ANO1: variants seen among roughly 807,000 people sequenced by gnomAD.
ANO1 encodes the protein anoctamin 1.
ANO1 carries 59 observed loss-of-function variants against 124.0 expected under a neutral mutation model. That is an observed-to-expected ratio of 0.48 (90% confidence interval 0.39 to 0.59). The LOEUF (loss-of-function observed/expected upper bound fraction) is 0.59, where lower values mean the gene tolerates loss of function less well. Among genes scored for constraint, ANO1 ranks in the 20% least tolerant of loss-of-function variants. The pLI, the probability that ANO1 is intolerant of heterozygous loss-of-function variation, is 0.00. For synonymous variants in ANO1, 529 were observed against 532.0 expected, an observed-to-expected ratio of 0.99 and a Z score of 0.08; for missense variants, 1,059 against 1,328.0, an observed-to-expected ratio of 0.80 and a Z score of 3.15.
At chr11:70,049,006 C>T (rs1446347769) in intron 1 of ANO1, among the ~76,000 whole-genome samples, 7 of 152,102 alleles carry the variant, frequency 4.6e-5, no homozygotes, top group African/African-American at 7.2e-5. Context: ...AAGCAGGATG[C>T]GTTTTCTTCC....
chr11:70,179,526 G>A (rs938905108), intron 22 of ANO1, among the ~76,000 whole-genome samples: 3 of 152,200 alleles, frequency 2.0e-5, no homozygotes, highest in African/African-American at 7.2e-5. Flanking sequence ...GATAGGGAAC[G>A]GTTCAACCTT....
intron 11 of ANO1, among the ~76,000 whole-genome samples, chr11:70,134,668 G>T (rs1294821261): frequency 6.6e-6 from 1 of 152,142 alleles, no homozygotes; most frequent in Non-Finnish European, 1.5e-5. Context: ...GAGCACATGT[G>T]TCCCACCTGC....
chr11:70,073,663 G>C (rs2044016070), upstream of ANO1, among the ~76,000 whole-genome samples: 1 of 152,126 alleles, frequency 6.6e-6, no homozygotes, highest in Non-Finnish European at 1.5e-5. Context: ...GGACCAGAAA[G>C]GCTACCAGGA....
At chr11:70,111,812 A>C in intron 7 of ANO1, 50 bp downstream of exon 7, 2 of 1,588,922 alleles carry the variant, frequency 1.3e-6, no homozygotes, top group Non-Finnish European at 1.7e-6. Context: ...GACTCCCCAA[A>C]TCCCGCCGGG....
intron 1 of ANO1, among the ~76,000 whole-genome samples, chr11:70,072,097 C>T (rs1857885633): frequency 1.3e-5 from 2 of 152,314 alleles, no homozygotes; most frequent in African/African-American, 2.4e-5. Flanking sequence ...TGTACAGAAA[C>T]GTTGCATCAG....
chr11:70,156,778 C>T (rs2047832630), intron 15 of ANO1, among the ~76,000 whole-genome samples, 169 bp from the exon 16 acceptor site: 2 of 152,188 alleles, frequency 1.3e-5, no homozygotes, highest in South Asian at 2.1e-4. Context: ...GAACCCTATG[C>T]GTTTGCACTG....
chr11:70,124,438 G>A (rs757491223), intron 9 of ANO1, 24 bp downstream of exon 9: 14 of 1,611,918 alleles, frequency 8.7e-6, no homozygotes, highest in Non-Finnish European at 1.2e-5. Context: ...ACAGCCTGCG[G>A]GAATCAAGTC....
At position 70,152,133 on chromosome 11, in the gene ANO1, A is replaced by G. The variant is rs916600291; in HGVS notation, c.1342-317A>G. 5.9e-5 allele frequency among the ~76,000 whole-genome samples: 9 copies of G among 152,098 alleles called. 1 individual carries two copies. The highest frequency in any genetic ancestry group is 1.3e-4 in the Admixed American group (2 of 15,254). On this transcript the variant is annotated intron_variant, in intron 12 of 25. Transcript: ENST00000355303. ...GGGCGGATCACGAGGTCAGGAGATC[A>G]AGACCATCCTGGCTAACAGGGTGAA... is the stretch of plus-strand genomic sequence containing the variant.
At chr11:70,064,531 A>G (rs1565172198) in intron 1 of ANO1, 1 of 152,196 alleles carries the variant, frequency 6.6e-6, no homozygotes, top group Non-Finnish European at 1.5e-5. Context: ...CTCTCTGGCT[A>G]TGCTGGCCTC....
rs2135878627 is a variant in ANO1 at position 70,188,123 on chromosome 11, TGGA to T, written c.*123_*125del. ...GTGGGTCCTGGGTTTTCTGCAAACA[TGGA>T]GGACCACTTTCTGATAGGACATTTT... is the stretch of plus-strand genomic sequence containing the variant. On this transcript the variant is annotated 3_prime_UTR_variant, in exon 26 of 26. Transcript: ENST00000355303. The T allele has an allele frequency of 2.6e-6, 3 of 1,165,968 alleles. No individual in the cohort carries two copies. Among genetic ancestry groups the T allele is most frequent in the Non-Finnish European group, 3.5e-6 (3 of 852,730 alleles). 72.2% of individuals were successfully genotyped at this position (1,165,968 alleles called of 1,614,324 possible).
chr11:70,099,842 A>T (rs1286011509), intron 2 of ANO1, among the ~76,000 whole-genome samples: 1 of 152,168 alleles, frequency 6.6e-6, no homozygotes, highest in Non-Finnish European at 1.5e-5. Context: ...TGGAAACCAC[A>T]CAGGGGCAGG....
intron 24 of ANO1, among the ~76,000 whole-genome samples, 166 bp from the exon 25 acceptor site, chr11:70,185,424 C>G (rs990083256): frequency 1.3e-5 from 2 of 152,144 alleles, no homozygotes; most frequent in Non-Finnish European, 2.9e-5. Context: ...AGAGAGACTC[C>G]GTGGGTGCGG....
Position 70,079,733 on chromosome 11 carries a change from T to A in ANO1, c.108+1019T>A, listed in dbSNP as rs181563222. 1.6e-3 allele frequency among the ~76,000 whole-genome samples: 237 copies of A among 152,352 alleles called. 1 individual carries two copies. The highest frequency in any genetic ancestry group is 5.5e-3 in the African/African-American group (228 of 41,590). On this transcript the variant is annotated intron_variant, in intron 1 of 25. Transcript: ENST00000355303. ...AGGGCTGCTTCAAGCAGGATGAGGA[T>A]GGCCCTGGCCTGTCCCTCTAGTCTC...
intron 1 of ANO1, among the ~76,000 whole-genome samples, chr11:70,057,494 G>A (rs573852658): frequency 4.6e-5 from 7 of 152,202 alleles, no homozygotes; most frequent in Non-Finnish European, 1.0e-4. Flanking sequence ...TCACCTGGGT[G>A]CAGGCGAGGC....
At chr11:70,142,937 C>T (rs772677046) in intron 11 of ANO1, among the ~76,000 whole-genome samples, 2 of 152,216 alleles carry the variant, frequency 1.3e-5, no homozygotes, top group Non-Finnish European at 2.9e-5. Context: ...GATCAACCCC[C>T]AAAGGCCCCA....
At chr11:69,992,212 GGATA>G (rs1450090804) in intron 1 of ANO1, among the ~76,000 whole-genome samples, 5 of 125,496 alleles carry the variant, frequency 4.0e-5, no homozygotes, top group African/African-American at 8.8e-5. Flanking sequence ...ATGGACGAAT[GGATA>G]GATGGATGGA....
At chr11:70,051,629 C>T (rs983768617) in intron 1 of ANO1, among the ~76,000 whole-genome samples, 1 of 152,156 alleles carries the variant, frequency 6.6e-6, no homozygotes, top group African/African-American at 2.4e-5. Context: ...TGTGGTTTTA[C>T]GCTGTGTCTT....
At chr11:70,095,438 AAGAAAGAG>A (rs2044908489) in intron 2 of ANO1, among the ~76,000 whole-genome samples, 2 of 151,490 alleles carry the variant, frequency 1.3e-5, no homozygotes, top group Admixed American at 6.6e-5. Context: ...AAAGAAAAGA[AAGAAAGAG>A]GGAAAGAAAA....
intron 1 of ANO1, among the ~76,000 whole-genome samples, chr11:70,014,318 T>G (rs1856661382): frequency 1.1e-5 from 1 of 89,388 alleles, no homozygotes; most frequent in African/African-American, 4.5e-5. Flanking sequence ...GGCACCCCAC[T>G]CCCCGCCCCT....
Sources: allele counts gnomAD v4.1 joint callset (sites outside exome capture counted in the v4.1 genomes callset), GRCh38; gene constraint gnomAD v4.1.1; transcripts MANE v1.5; gene names NCBI Gene and HGNC (gene_info 2026-07-23, HGNC 2026-07-21).